Variants in LINGO2 observed in about 807,000 individuals in gnomAD.
The protein encoded by LINGO2 is leucine-rich repeat and immunoglobulin-like domain-containing nogo receptor-interacting protein 2.
LINGO2 carries 14 observed loss-of-function variants against 30.6 expected under a neutral mutation model. The ratio of observed to expected loss-of-function variants is 0.46; its 90% CI spans 0.30 to 0.72. LINGO2 has a LOEUF of 0.72. Among genes scored for constraint, LINGO2 ranks in the 30% least tolerant of loss-of-function variants. LINGO2 has a pLI of 0.07. For synonymous variants in LINGO2, 317 were observed against 288.5 expected, an observed-to-expected ratio of 1.10 and a Z score of -1.00; for missense variants, 729 against 751.7, an observed-to-expected ratio of 0.97 and a Z score of 0.35.
At chr9:28,361,584 T>C (rs1279026103) in intron 3 of LINGO2, among the ~76,000 whole-genome samples, 1 of 152,050 alleles carries the variant, frequency 6.6e-6, no homozygotes, top group African/African-American at 2.4e-5. Context: ...AGTCATGACC[T>C]GAGATTTAAC....
chr9:28,202,017 G>T lies in LINGO2; in HGVS notation c.-87+93191C>A, dbSNP rs372985697. On this transcript the variant is annotated intron_variant, in intron 4 of 5. Coordinates refer to ENST00000379992, the Ensembl canonical transcript of LINGO2. The stretch of plus-strand genomic sequence containing the variant: ...TATTCTATGCCTCCCACAGTTTGGA[G>T]GTTTGCTGGCAATCTTTGGTGTTCC... Among the ~76,000 whole-genome samples the T allele has an allele frequency of 3.9e-5, 6 of 152,248 alleles. No individual in the cohort carries two copies. In the South Asian group the frequency reaches 1.2e-3, roughly 32 times the overall value.
intron 2 of LINGO2, among the ~76,000 whole-genome samples, chr9:28,393,905 A>T (rs971901283): frequency 6.6e-6 from 1 of 152,210 alleles, no homozygotes; most frequent in Non-Finnish European, 1.5e-5. Flanking sequence ...GATAACTCTG[A>T]GGAAAAAGCT....
chr9:28,921,507 T>G, the LINGO2 span, among the ~76,000 whole-genome samples: 2 of 152,184 alleles, frequency 1.3e-5, no homozygotes, highest in Non-Finnish European at 2.9e-5. Context: ...AAGGTATTCT[T>G]TTTTCAGCAT....
chr9:28,025,477 A>T (rs1445429772), intron 4 of LINGO2, among the ~76,000 whole-genome samples: 2 of 152,206 alleles, frequency 1.3e-5, no homozygotes, highest in Non-Finnish European at 2.9e-5. Flanking sequence ...AGCCTGACTT[A>T]TATGTAGACT....
intron 4 of LINGO2, among the ~76,000 whole-genome samples, chr9:28,250,554 C>T (rs1262118848): frequency 2.0e-5 from 3 of 152,144 alleles, no homozygotes; most frequent in Non-Finnish European, 4.4e-5. Context: ...AACTTTTAGA[C>T]TTTAATAACT....
chr9:29,147,496 T>A, the LINGO2 span, among the ~76,000 whole-genome samples: 1 of 152,076 alleles, frequency 6.6e-6, no homozygotes, highest in African/African-American at 2.4e-5. Context: ...GCAAGATGCC[T>A]CACAAAAAGC....
At chr9:28,513,372 C>T (rs189768519) in intron 1 of LINGO2, among the ~76,000 whole-genome samples, 12 of 152,282 alleles carry the variant, frequency 7.9e-5, no homozygotes, top group South Asian at 4.1e-4. Context: ...GTACTTAGCA[C>T]AATATCTGAA....
chr9:28,372,940 A>G (rs1820961252), intron 2 of LINGO2, 72 bp from the exon 5 acceptor site: 1 of 152,544 alleles, frequency 6.6e-6, no homozygotes, highest in South Asian at 2.1e-4. Flanking sequence ...AGAAGTCAAA[A>G]AGACATTTTC....
rs1563879098 is a variant in LINGO2, at chr9:28,632,870, ATATATATATG to A, written c.-365+37320_-365+37329del. The stretch of plus-strand genomic sequence containing the variant: ...ATATATATTTTTTATATATATATAT[ATATATATATG>A]TAGAGAGAGAGAGAGAGAGAGAGAG... On this transcript the variant is annotated intron_variant, in intron 1 of 5. Transcript: ENST00000379992. 7.6e-4 allele frequency among the ~76,000 whole-genome samples: 81 copies of A among 106,346 alleles called. 3 individuals are homozygous for A. The highest frequency in any genetic ancestry group is 6.5e-3 in the South Asian group (22 of 3,380). 69.8% of individuals were successfully genotyped at this position (106,346 alleles called of 152,430 possible).
chr9:28,744,980 C>A, the LINGO2 span, among the ~76,000 whole-genome samples: 1 of 151,934 alleles, frequency 6.6e-6, no homozygotes, highest in Non-Finnish European at 1.5e-5. Flanking sequence ...ATCCCTAGGT[C>A]TACATAAGCC....
the LINGO2 span, among the ~76,000 whole-genome samples, chr9:29,170,298 G>A: frequency 6.6e-6 from 1 of 152,138 alleles, no homozygotes; most frequent in Admixed American, 6.6e-5. Context: ...GTATTTTGCA[G>A]CAACACGAAT....
At chr9:28,448,914 A>G (rs1167106610) in intron 2 of LINGO2, among the ~76,000 whole-genome samples, 8 of 152,032 alleles carry the variant, frequency 5.3e-5, no homozygotes, top group African/African-American at 1.9e-4. Flanking sequence ...TCAAGGGAAC[A>G]AAGAAAAGCA....
At chr9:28,801,807 A>C in the LINGO2 span, among the ~76,000 whole-genome samples, 1 of 152,158 alleles carries the variant, frequency 6.6e-6, no homozygotes, top group Admixed American at 6.6e-5. Flanking sequence ...CACACTTGGT[A>C]GAACAGCCAG....
intron 4 of LINGO2, among the ~76,000 whole-genome samples, chr9:28,092,463 G>A (rs182940474): frequency 4.7e-5 from 7 of 148,680 alleles, no homozygotes; most frequent in South Asian, 2.2e-4. Context: ...ACCAAACACC[G>A]CATGTTCTCA....
At chr9:28,504,883 A>C (rs1473447847) in intron 1 of LINGO2, among the ~76,000 whole-genome samples, 2 of 151,852 alleles carry the variant, frequency 1.3e-5, no homozygotes, top group African/African-American at 4.8e-5. Flanking sequence ...TCATAGAGGA[A>C]GCAAAACAGG....
chr9:28,697,935 CA>C, the LINGO2 span, among the ~76,000 whole-genome samples: 26 of 152,202 alleles, frequency 1.7e-4, no homozygotes, highest in Admixed American at 6.6e-4. Context: ...AAACAAAGCA[CA>C]TGTAAAATTT....
the LINGO2 span, among the ~76,000 whole-genome samples, chr9:28,797,352 A>ATG: frequency 1.1e-5 from 1 of 94,056 alleles, no homozygotes; most frequent in Non-Finnish European, 2.1e-5. Flanking sequence ...ATATATATAT[A>ATG]TATATATAGA....
At chr9:28,443,387 G>A (rs1291524698) in intron 2 of LINGO2, among the ~76,000 whole-genome samples, 1 of 152,208 alleles carries the variant, frequency 6.6e-6, no homozygotes, top group Non-Finnish European at 1.5e-5. Context: ...TTGGGGCGGG[G>A]AACAGGCGGG....
intron 4 of LINGO2, among the ~76,000 whole-genome samples, chr9:28,048,996 G>A (rs935246665): frequency 2.0e-5 from 3 of 150,884 alleles, no homozygotes; most frequent in Non-Finnish European, 1.5e-5. Flanking sequence ...TTAGAATTAT[G>A]ATTAATTTTT....
Sources: allele counts gnomAD v4.1 joint callset (sites outside exome capture counted in the v4.1 genomes callset), GRCh38; gene constraint gnomAD v4.1.1; transcripts MANE v1.5; gene names NCBI Gene and HGNC (gene_info 2026-07-23, HGNC 2026-07-21).